The following DNM3 variants were observed in gnomAD, a reference collection of about 807,000 sequenced individuals.
DNM3 encodes the protein dynamin 3.
Under a neutral mutation model 101.6 loss-of-function variants are expected in DNM3, and 47 were observed. The observed-to-expected ratio is 0.46, with a 90% CI of 0.37 to 0.59. DNM3 has a LOEUF of 0.59. Among genes scored for constraint, DNM3 ranks in the 20% least tolerant of loss-of-function variants. DNM3 has a pLI of 0.00. For synonymous variants in DNM3, 385 were observed against 387.9 expected (o/e 0.99, Z 0.09); for missense variants, 849 against 1,085.7 (o/e 0.78, Z 3.06).
intron 15 of DNM3, among the ~76,000 whole-genome samples, chr1:172,288,841 T>C (rs531117474): frequency 3.3e-5 from 5 of 152,218 alleles, no homozygotes; most frequent in Admixed American, 2.6e-4. Context: ...AGCTCAGAGA[T>C]GTCTGGCATT....
intron 18 of DNM3, among the ~76,000 whole-genome samples, chr1:172,382,836 A>T (rs1425457258): frequency 1.3e-5 from 2 of 152,174 alleles, no homozygotes; most frequent in African/African-American, 4.8e-5. Context: ...AAAAAACCAA[A>T]TTTGAAACAT....
chr1:172,377,970 C>T (rs571689147), intron 17 of DNM3, among the ~76,000 whole-genome samples: 2 of 151,980 alleles, frequency 1.3e-5, no homozygotes, highest in Admixed American at 6.6e-5. Context: ...TAGCACAGTG[C>T]TATGCCTAGA....
intron 1 of DNM3, among the ~76,000 whole-genome samples, chr1:171,877,753 G>A (rs189351486): frequency 6.6e-6 from 1 of 152,300 alleles, no homozygotes; most frequent in East Asian, 1.9e-4. Flanking sequence ...TTGCTGCTCT[G>A]TTACCACCCC....
At chr1:171,871,341 G>A (rs1195070508) in intron 1 of DNM3, among the ~76,000 whole-genome samples, 1 of 152,142 alleles carries the variant, frequency 6.6e-6, no homozygotes, top group Admixed American at 6.5e-5. Flanking sequence ...ACAAAACAAA[G>A]TATAGTCTTC....
At chr1:172,058,610 A>G (rs2125901484) in intron 10 of DNM3, among the ~76,000 whole-genome samples, 1 of 152,326 alleles carries the variant, frequency 6.6e-6, no homozygotes, top group East Asian at 1.9e-4. Context: ...GTACATAACG[A>G]AATGAAGGCA....
At position 172,349,343 on chromosome 1, in the gene DNM3, A is replaced by G. The variant is rs114969593; in HGVS notation, c.1893+26003A>G. On this transcript the variant is annotated intron_variant, in intron 17 of 20. Coordinates refer to ENST00000627582, the MANE Select transcript of DNM3 (RefSeq NM_015569.5). ...CTCGAAATGATTAGCTGAGAAAATG[A>G]AATCCATAAAGCTATTAGTTCAGTC... Among the ~76,000 whole-genome samples the G allele has an allele frequency of 4.3e-3, 649 of 152,330 alleles. 2 individuals carry two copies. Among genetic ancestry groups the G allele is most frequent in the Non-Finnish European group, 7.0e-3 (477 of 68,030 alleles).
intron 14 of DNM3, among the ~76,000 whole-genome samples, chr1:172,177,966 G>T (rs977830544): frequency 2.6e-5 from 4 of 151,818 alleles, no homozygotes; most frequent in African/African-American, 9.7e-5. Context: ...TGTGTTATCA[G>T]GCGCTTTCTT....
intron 15 of DNM3, among the ~76,000 whole-genome samples, chr1:172,274,055 C>T (rs1267146567): frequency 6.6e-6 from 1 of 151,970 alleles, no homozygotes; most frequent in Non-Finnish European, 1.5e-5. Context: ...TTTTTCAAGT[C>T]CCCTACACAC....
chr1:172,400,129 T>C (rs1049800713), intron 20 of DNM3, among the ~76,000 whole-genome samples: 1 of 152,120 alleles, frequency 6.6e-6, no homozygotes, highest in Non-Finnish European at 1.5e-5. Context: ...CTATCCTTTC[T>C]TCTTTTTCCT....
intron 2 of DNM3, among the ~76,000 whole-genome samples, chr1:171,949,338 C>T (rs2042356885): frequency 6.6e-6 from 1 of 152,008 alleles, no homozygotes; most frequent in Admixed American, 6.6e-5. Context: ...GAAGGGGTAG[C>T]AAATAAACAC....
chr1:172,018,911 C>A (rs1343443869), intron 4 of DNM3, among the ~76,000 whole-genome samples: 4 of 151,990 alleles, frequency 2.6e-5, no homozygotes, highest in African/African-American at 7.2e-5. Context: ...CAACAAACTT[C>A]CCCAATTTTT....
intron 2 of DNM3, among the ~76,000 whole-genome samples, chr1:171,927,631 G>A (rs887618682): frequency 6.6e-6 from 1 of 152,106 alleles, no homozygotes; most frequent in Non-Finnish European, 1.5e-5. Flanking sequence ...ACGAATGACA[G>A]ATTAGATTTA....
chr1:172,042,379 G>C (rs2049449725), intron 8 of DNM3, among the ~76,000 whole-genome samples: 1 of 152,120 alleles, frequency 6.6e-6, no homozygotes, highest in Non-Finnish European at 1.5e-5. Context: ...TTCCTAGTTT[G>C]TTGTCTAATT....
intron 2 of DNM3, among the ~76,000 whole-genome samples, chr1:171,930,074 C>A (rs944452359): frequency 6.6e-6 from 1 of 151,960 alleles, no homozygotes; most frequent in African/African-American, 2.4e-5. Flanking sequence ...TAAATAGGAA[C>A]AGGATCAGGG....
chr1:171,969,649 T>G (rs2043844262), intron 2 of DNM3, among the ~76,000 whole-genome samples: 1 of 152,040 alleles, frequency 6.6e-6, no homozygotes, highest in Non-Finnish European at 1.5e-5. Flanking sequence ...AGAAAGGGTC[T>G]CTCCCAATGT....
At chr1:172,221,694 G>A (rs781258185) in intron 14 of DNM3, among the ~76,000 whole-genome samples, 1 of 151,878 alleles carries the variant, frequency 6.6e-6, no homozygotes, top group Non-Finnish European at 1.5e-5. Context: ...ATCTCGTGAG[G>A]ACTTCCTTCT....
At chr1:171,872,798 T>TA (rs1299148351) in intron 1 of DNM3, among the ~76,000 whole-genome samples, 1 of 152,074 alleles carries the variant, frequency 6.6e-6, no homozygotes, top group African/African-American at 2.4e-5. Context: ...TGTTTTTTTT[T>TA]AATTCAGGTC....
At chr1:172,126,301 A>C (rs733191) in intron 13 of DNM3, among the ~76,000 whole-genome samples, 84,546 of 151,960 alleles carry the variant, frequency 0.56, 24,433 homozygotes, top group African/African-American at 0.71. Context: ...TCCATGGGTA[A>C]CTGGTAAGAG....
rs892291648 is a variant in DNM3 at position 172,261,852 on chromosome 1, T to A, written c.1769+8170T>A. Among the ~76,000 whole-genome samples the A allele has an allele frequency of 3.2e-4, 48 of 152,008 alleles. 1 individual carries two copies. Among genetic ancestry groups the A allele is most frequent in the Non-Finnish European group, 1.6e-4 (11 of 68,004 alleles). ...AGAAGTGCTTAGGTGCCACAGGTGG[T>A]CAACTGGCCTGGATGATCTTCAGGC... is the stretch of plus-strand genomic sequence containing the variant. On this transcript the variant is annotated intron_variant, in intron 15 of 20. Coordinates refer to ENST00000627582, the MANE Select transcript of DNM3 (RefSeq NM_015569.5).
Sources: allele counts gnomAD v4.1 joint callset (sites outside exome capture counted in the v4.1 genomes callset), GRCh38; gene constraint gnomAD v4.1.1; transcripts MANE v1.5; gene names NCBI Gene and HGNC (gene_info 2026-07-23, HGNC 2026-07-21).